The following PTK2 variants were observed in gnomAD, a reference collection of about 807,000 sequenced individuals.
PTK2 encodes the protein protein tyrosine kinase 2.
PTK2 carries 45 observed loss-of-function variants against 150.1 expected under a neutral mutation model. That is an observed-to-expected ratio of 0.30 (90% CI 0.24 to 0.38). The LOEUF is 0.38. Among genes scored for constraint, PTK2 ranks in the 10% least tolerant of loss-of-function variants. The pLI is 1.00. For synonymous variants in PTK2, 432 were observed against 449.2 expected, an observed-to-expected ratio of 0.96 and a Z score of 0.48; for missense variants, 919 against 1,307.3, an observed-to-expected ratio of 0.70 and a Z score of 4.58.
intron 2 of PTK2, among the ~76,000 whole-genome samples, chr8:140,921,692 A>G (rs1238141624): frequency 1.3e-5 from 2 of 152,204 alleles, no homozygotes; most frequent in East Asian, 1.9e-4. Context: ...ATTCTTTAAC[A>G]TTAGCTTAGG....
chr8:140,822,209 T>C (rs528491759), intron 8 of PTK2: 6 of 152,358 alleles, frequency 3.9e-5, no homozygotes, highest in African/African-American at 1.4e-4. Flanking sequence ...TGCTTGGCAC[T>C]TGGCATACAC....
chr8:140,751,211 T>G (rs186452341), intron 17 of PTK2, among the ~76,000 whole-genome samples: 14 of 152,336 alleles, frequency 9.2e-5, no homozygotes, highest in Admixed American at 9.2e-4. Context: ...TTCAGTCACT[T>G]AGGCTGGAGT....
At chr8:140,836,082 T>C (rs914229555) in intron 7 of PTK2, among the ~76,000 whole-genome samples, 2 of 152,144 alleles carry the variant, frequency 1.3e-5, no homozygotes, top group Non-Finnish European at 2.9e-5. Context: ...ATCTGGTTTT[T>C]TTTTTAATCA....
chr8:140,792,597 C>A (rs575914886), intron 13 of PTK2, among the ~76,000 whole-genome samples: 1 of 152,128 alleles, frequency 6.6e-6, no homozygotes, highest in Admixed American at 6.5e-5. Context: ...TAGCTAAACA[C>A]GGGGGAGACA....
intron 2 of PTK2, among the ~76,000 whole-genome samples, chr8:140,916,663 G>A (rs934024502): frequency 6.6e-6 from 1 of 152,140 alleles, no homozygotes; most frequent in Non-Finnish European, 1.5e-5. Context: ...TGAATAGTAC[G>A]CAAACATCTG....
Position 140,941,324 on chromosome 8 carries a change from C to T in PTK2, c.-121-15575G>A, listed in dbSNP as rs115888658. 2.4e-3 allele frequency among the ~76,000 whole-genome samples: 369 copies of T among 152,336 alleles called. 2 individuals are homozygous for T. The highest frequency in any genetic ancestry group is 8.5e-3 in the African/African-American group (354 of 41,576). ...CAAAGAGGCTACCATTAGATATTTA[C>T]TGTGTGATCAACACACAAATAGTTC... On this transcript the variant is annotated intron_variant, in intron 1 of 31. Coordinates refer to ENST00000522684, the Ensembl canonical transcript of PTK2.
intron 22 of PTK2, among the ~76,000 whole-genome samples, chr8:140,733,089 G>C (rs2100050495): frequency 6.6e-6 from 1 of 152,170 alleles, no homozygotes; most frequent in South Asian, 2.1e-4. Context: ...TGACATTTCA[G>C]GAAGATTGAC....
At chr8:140,931,476 G>A (rs535979299) in intron 1 of PTK2, among the ~76,000 whole-genome samples, 1 of 152,290 alleles carries the variant, frequency 6.6e-6, no homozygotes, top group South Asian at 2.1e-4. Flanking sequence ...GAGGTGGGAG[G>A]ATTGCTTGAG....
rs78118931 is a variant in PTK2 at position 140,882,405 on chromosome 8, G to A, written c.196-2768C>T. 1.4e-3 allele frequency among the ~76,000 whole-genome samples: 215 copies of A among 152,130 alleles called. 1 individual carries two copies. Among genetic ancestry groups the A allele is most frequent in the African/African-American group, 5.0e-3 (209 of 41,502 alleles). ...TGTCTCTAAAAGGATAATAGGACAT[G>A]GGTTTTTAATATGCCACTAAAGGTA... is the stretch of plus-strand genomic sequence containing the variant. On this transcript the variant is annotated intron_variant, in intron 3 of 31. Coordinates refer to ENST00000522684, the Ensembl canonical transcript of PTK2.
rs1473045375 is a variant in PTK2, at chr8:140,751,499, T to TC, written c.1417+732_1417+733insG. 2.8e-5 allele frequency among the ~76,000 whole-genome samples: 4 copies of TC among 142,870 alleles called. No homozygotes were observed. The East Asian group carries it at 8.1e-4, about 29-fold the overall frequency. 93.7% of individuals were successfully genotyped at this position (142,870 alleles called of 152,430 possible). A position where few individuals can be genotyped will look rare whatever the true frequency, so the allele number is the denominator to read the frequency against. ...GTGATTTGTTCTTTTTCTTTCTTTC[T>TC]TTTTTTTTTTTGAGGCAGAGATTGC... On this transcript the variant is annotated intron_variant, in intron 17 of 31. Transcript: ENST00000522684.
intron 29 of PTK2, among the ~76,000 whole-genome samples, chr8:140,671,741 G>T (rs998906969): frequency 1.5e-5 from 2 of 133,734 alleles, no homozygotes; most frequent in African/African-American, 5.7e-5. Flanking sequence ...GTGAAACCCC[G>T]TCTCTACTAA....
intron 1 of PTK2, among the ~76,000 whole-genome samples, chr8:140,968,118 T>C (rs1287339307): frequency 6.6e-6 from 1 of 152,232 alleles, no homozygotes; most frequent in East Asian, 1.9e-4. Context: ...TGATGCTTAG[T>C]ACACGGTTTG....
chr8:140,787,032 G>A (rs1445067722), intron 14 of PTK2, among the ~76,000 whole-genome samples: 26 of 152,082 alleles, frequency 1.7e-4, no homozygotes, highest in Admixed American at 1.7e-3. Flanking sequence ...AGGTCTTGGA[G>A]GGCTAAGCTG....
At chr8:140,720,125 A>G (rs1209246564) in intron 22 of PTK2, among the ~76,000 whole-genome samples, 1 of 151,978 alleles carries the variant, frequency 6.6e-6, no homozygotes, top group Non-Finnish European at 1.5e-5. Context: ...CAAGCACATA[A>G]TGTTTGTGTG....
chr8:140,811,787 C>T (rs1041246811), intron 10 of PTK2, among the ~76,000 whole-genome samples: 2 of 152,156 alleles, frequency 1.3e-5, no homozygotes, highest in African/African-American at 4.8e-5. Context: ...GTATTAATAG[C>T]CTAACAGACC....
chr8:140,890,820 A>T, intron 2 of PTK2, 51 bp from the exon 3 acceptor site: 1 of 1,452,158 alleles, frequency 6.9e-7, no homozygotes, highest in Non-Finnish European at 9.6e-7. Context: ...AAATCTACCA[A>T]TTACAATGTG....
At chr8:140,833,142 T>C in intron 7 of PTK2, 2 of 478,090 alleles carry the variant, frequency 4.2e-6, no homozygotes, top group Admixed American at 2.3e-5. Context: ...ATACTAGGTA[T>C]TGCTTTTACT....
chr8:140,757,695 T>A lies in PTK2; in HGVS notation c.1332+3470A>T, dbSNP rs532213414. On this transcript the variant is annotated intron_variant, in intron 16 of 31. Coordinates refer to ENST00000522684, the Ensembl canonical transcript of PTK2. ...AATAAGAGTCAATTTTCTCTGTTAT[T>A]GTAACTTTATTAGAGCCATCTCTGT... Among the ~76,000 whole-genome samples, 3 of 152,350 alleles carry A rather than the reference T, an allele frequency of 2.0e-5. No individual in the cohort carries two copies. In the South Asian group the frequency reaches 6.2e-4, roughly 32 times the overall value.
chr8:140,702,723 G>A lies in PTK2; in HGVS notation c.2230-16C>T, dbSNP rs190384873. The stretch of plus-strand genomic sequence containing the variant: ...AGCCAGAAACCTGTGAATGAGTAAG[G>A]AGGCAAGGTAATGTTCAACTATAAC... On this transcript the variant is annotated splice_polypyrimidine_tract_variant and intron_variant, in intron 24 of 31. Transcript: ENST00000522684. 1.1e-5 allele frequency: 17 copies of A among 1,612,258 alleles called. No homozygotes were observed. The highest frequency in any genetic ancestry group is 1.0e-4 in the Admixed American group (6 of 59,940).
Sources: gnomAD v4.1 joint callset for allele counts (sites outside exome capture counted in the v4.1 genomes callset) on GRCh38, gnomAD v4.1.1 for gene constraint, MANE v1.5 for transcripts, NCBI Gene and HGNC (gene_info 2026-07-23, HGNC 2026-07-21) for gene names.